RTEL1: variants seen among roughly 807,000 people sequenced by gnomAD.
The protein encoded by RTEL1 is regulator of telomere elongation helicase 1.
In RTEL1, 86 loss-of-function variants were observed where a neutral mutation model predicts 162.2. The ratio of observed to expected loss-of-function variants is 0.53; its 90% confidence interval spans 0.45 to 0.63. The LOEUF is 0.63. Among genes scored for constraint, RTEL1 ranks in the 30% least tolerant of loss-of-function variants. The probability of loss-of-function intolerance (pLI) is 0.00; values close to 1 mark genes in which losing one functional copy is unlikely to be tolerated. For missense variants in RTEL1, 1,941 were observed against 1,750.2 expected (o/e 1.11, Z -1.95); for synonymous variants, 958 against 717.9 (o/e 1.33, Z -5.35).
At position 63,688,120 on chromosome 20, in the gene RTEL1, G is replaced by A; in HGVS notation, c.1596-19G>A. The A allele has an allele frequency of 6.2e-7, 1 of 1,612,408 alleles. No individual in the cohort carries two copies. Among genetic ancestry groups the A allele is most frequent in the South Asian group, 1.1e-5 (1 of 91,072 alleles). On this transcript the variant is annotated intron_variant, in intron 18 of 34. Coordinates refer to ENST00000360203, the MANE Select transcript of RTEL1 (RefSeq NM_001283009.2). ...GCACTGAGGCCTGAGGTCCTGAGCA[G>A]TGGCCTCTCCGGCTCTAGGTTTTCC... is the stretch of plus-strand genomic sequence containing the variant.
chr20:63,693,456 T>TCCACCACCTCCA (rs1262595789), intron 30 of RTEL1, among the ~76,000 whole-genome samples, 173 bp downstream of exon 30: 6 of 21,072 alleles, frequency 2.8e-4, no homozygotes, highest in East Asian at 1.2e-3. Flanking sequence ...CAGCACCACC[T>TCCACCACCTCCA]CCACCTCCAC....
chr20:63,665,752 T>C (rs1478451610), intron 6 of RTEL1, among the ~76,000 whole-genome samples: 3 of 152,178 alleles, frequency 2.0e-5, no homozygotes, highest in Non-Finnish European at 4.4e-5. Flanking sequence ...GGGATCCTGC[T>C]GGCCTCCGTC....
intron 14 of RTEL1, chr20:63,682,763 G>C: frequency 1.7e-5 from 15 of 887,862 alleles, no homozygotes; most frequent in Non-Finnish European, 2.0e-5. Context: ...AAGAGGATGT[G>C]GGATGCACAG....
intron 12 of RTEL1, among the ~76,000 whole-genome samples, chr20:63,678,552 C>T (rs182736653): frequency 5.1e-4 from 76 of 149,194 alleles, no homozygotes; most frequent in African/African-American, 1.8e-3. Flanking sequence ...CGGGACAGCA[C>T]ACAGCCCCCC....
At position 63,685,563 on chromosome 20, in the gene RTEL1, C is replaced by T. The variant is rs1412473189; in HGVS notation, c.1232C>T (p.Ser411Phe). 1 of 1,612,548 alleles carries T rather than the reference C, an allele frequency of 6.2e-7. No homozygotes were observed. The highest frequency in any genetic ancestry group is 8.5e-7 in the Non-Finnish European group (1 of 1,179,846). The change falls in exon 15 of 35, where the codon TCC (serine) becomes TTC (phenylalanine). Residue 411 changes from serine (S) to phenylalanine (F), a missense_variant. Ser to Phe is a radical substitution (Grantham distance 155). Coordinates refer to ENST00000360203, the MANE Select transcript of RTEL1 (RefSeq NM_001283009.2). ...GACCCCTCCGAGGGCAGCCCTGGTT[C>T]CCCAGCAGGGCTGGGGGCCTTACAG... ...SVDPSEGSPG[S>F]PAGLGALQSY... is the part of the protein sequence containing the mutation.
chr20:63,658,628 T>C (rs2089957261), intron 1 of RTEL1, 162 bp downstream of exon 1: 1 of 152,320 alleles, frequency 6.6e-6, no homozygotes, highest in Non-Finnish European at 1.5e-5. Flanking sequence ...TTTCCTGCGC[T>C]CGTGGCGCTG....
chr20:63,677,104 C>T (rs2090370496), intron 10 of RTEL1, among the ~76,000 whole-genome samples: 1 of 151,850 alleles, frequency 6.6e-6, no homozygotes, highest in African/African-American at 2.4e-5. Flanking sequence ...GGCCTCTTTG[C>T]TGTCTGGGAG....
In RTEL1 at chr20:63,672,450, G is replaced by T. The variant is rs6011019; in HGVS notation, c.700-106G>T. The T allele has an allele frequency of 0.014, 13,028 of 906,150 alleles. 1,150 individuals carry two copies. The African/African-American group carries it at 0.19, about 13-fold the overall frequency. The allele number at this position is 906,150 out of a possible 1,614,324, so 56.1% of individuals were successfully genotyped here. On this transcript the variant is annotated intron_variant, in intron 8 of 34. Transcript: ENST00000360203. Reference sequence around the variant, plus strand: ...TGCTCTCGACATCGCCGGCGCTGTTGCTCATCTGCGCTTGTGATGTTCGAT... The same window carrying T: ...TGCTCTCGACATCGCCGGCGCTGTTTCTCATCTGCGCTTGTGATGTTCGAT...
In RTEL1 at chr20:63,667,055, G is replaced by A. The variant is rs371946089; in HGVS notation, c.615-414G>A. On this transcript the variant is annotated intron_variant, in intron 7 of 34. Transcript: ENST00000360203. ...GGGGTTTCACCGTGTTAGCCAGGAT[G>A]GTCTCGATCTTCTGACCTTGTGATC... Among the ~76,000 whole-genome samples the A allele has an allele frequency of 2.2e-3, 333 of 151,704 alleles. 1 individual carries two copies. Among genetic ancestry groups the A allele is most frequent in the East Asian group, 0.013 (66 of 5,148 alleles).
At chr20:63,670,755 G>A (rs1481006720) in intron 8 of RTEL1, among the ~76,000 whole-genome samples, 1 of 152,032 alleles carries the variant, frequency 6.6e-6, no homozygotes, top group Admixed American at 6.6e-5. Context: ...GGCCAAGGCT[G>A]GGGGATCGCT....
In RTEL1 at chr20:63,666,057, G is replaced by C; in HGVS notation, c.592G>C (p.Val198Leu). The C allele has an allele frequency of 6.2e-7, 1 of 1,614,164 alleles. No homozygotes were observed. Among genetic ancestry groups the C allele is most frequent in the Non-Finnish European group, 8.5e-7 (1 of 1,180,020 alleles). Reference protein sequence around the residue: ...ASPILDIEDLVKSGSKHRVCP... With the variant: ...ASPILDIEDLLKSGSKHRVCP... ...CCCCATCCTGGACATTGAGGACTTG[G>C]TCAAGAGCGGAAGCAAGCACAGGTG... is the stretch of plus-strand genomic sequence containing the variant. The change falls in exon 7 of 35, where the codon GTC (valine) becomes CTC (leucine). Residue 198 changes from valine to leucine, a missense_variant. Coordinates refer to ENST00000360203, the MANE Select transcript of RTEL1 (RefSeq NM_001283009.2).
chr20:63,692,452 C>T (rs1285776590), intron 28 of RTEL1: 2 of 361,158 alleles, frequency 5.5e-6, no homozygotes, highest in Non-Finnish European at 1.0e-5. Flanking sequence ...TGTGCGCTGC[C>T]ATCCTGGGAG....
In RTEL1 at chr20:63,688,312, C is replaced by T. The variant is rs369419645; in HGVS notation, c.1648C>T (p.Arg550Cys). ...SLGKALGNIA[R>C]VVPYGLLIFF... ...CCCTGCACTTCCAGGCAACATCGCC[C>T]GCGTGGTGCCCTATGGGCTCCTGAT... Residue 550 changes from arginine (R) to cysteine (C), a missense_variant, in exon 20 of 35, where the codon CGC becomes TGC. By Grantham distance (180) the Arg-to-Cys change is radical (BLOSUM62 -3). Coordinates refer to ENST00000360203, the MANE Select transcript of RTEL1 (RefSeq NM_001283009.2). 1.1e-5 allele frequency: 18 copies of T among 1,612,276 alleles called. No homozygotes were observed. The highest frequency in any genetic ancestry group is 6.7e-5 in the East Asian group (3 of 44,902).
At chr20:63,695,719 G>A (rs776744211) in intron 34 of RTEL1, 59 bp from the exon 35 acceptor site, 13 of 1,603,422 alleles carry the variant, frequency 8.1e-6, no homozygotes, top group Non-Finnish European at 1.0e-5. Flanking sequence ...GGAAAGGGCA[G>A]GCCCTTGTCC....
At chr20:63,692,586 G>A in intron 28 of RTEL1, 2 of 591,808 alleles carry the variant, frequency 3.4e-6, no homozygotes, top group South Asian at 2.0e-5. Flanking sequence ...TCAGTTCCCT[G>A]CCAGCCTCTC....
At chr20:63,681,021 G>A (rs2090467795) in intron 14 of RTEL1, 5 of 985,392 alleles carry the variant, frequency 5.1e-6, no homozygotes, top group Non-Finnish European at 6.0e-6. Context: ...TCAGGCCAGG[G>A]GGGACCCACT....
rs779121892 is a variant in RTEL1 at position 63,694,744 on chromosome 20, A to C, written c.3113A>C (p.Asp1038Ala). Residue 1038 changes from aspartate to alanine, a missense_variant, in exon 32 of 35, where the codon GAC (aspartate) becomes GCC (alanine). Asp to Ala is a moderately radical substitution (Grantham distance 126). Coordinates refer to ENST00000360203, the MANE Select transcript of RTEL1 (RefSeq NM_001283009.2). The stretch of plus-strand genomic sequence containing the variant: ...AGCCATGCTACTCCCACACCAGGAG[A>C]CCCTGGCAGCCAACCACAGTGGGGG... ...HLSPRPPPTG[D>A]PGSQPQWGSG... The C allele has an allele frequency of 1.9e-6, 3 of 1,600,374 alleles. No homozygotes were observed. Among genetic ancestry groups the C allele is most frequent in the African/African-American group, 2.7e-5 (2 of 74,556 alleles).
chr20:63,685,032 C>CA (rs1363346607), intron 14 of RTEL1, among the ~76,000 whole-genome samples: 1 of 151,134 alleles, frequency 6.6e-6, no homozygotes, highest in Non-Finnish European at 1.5e-5. Context: ...CACATGCCAC[C>CA]ATGCCCGGCT....
At chr20:63,694,535 T>A in intron 31 of RTEL1, 47 bp downstream of exon 31, 6 of 1,456,806 alleles carry the variant, frequency 4.1e-6, no homozygotes, top group Non-Finnish European at 5.7e-6. Flanking sequence ...GGTGGGTCCC[T>A]CAGTGGCTTC....
Sources: gnomAD v4.1 joint callset for allele counts (sites outside exome capture counted in the v4.1 genomes callset) on GRCh38, gnomAD v4.1.1 for gene constraint, MANE v1.5 for transcripts, NCBI Gene and HGNC (gene_info 2026-07-23, HGNC 2026-07-21) for gene names.